RNF144B: variants seen among roughly 807,000 people sequenced by gnomAD.
RNF144B encodes the protein E3 ubiquitin-protein ligase RNF144B.
RNF144B carries 25 observed loss-of-function variants against 40.2 expected under a neutral mutation model. The ratio of observed to expected loss-of-function variants is 0.62; its 90% confidence interval spans 0.45 to 0.87. The LOEUF (loss-of-function observed/expected upper bound fraction) is 0.87. Ranked by LOEUF, RNF144B falls within the 40% of genes least tolerant of loss-of-function variation. The pLI is 0.00. For synonymous variants in RNF144B, 145 were observed against 136.3 expected (o/e 1.06, Z -0.44); for missense variants, 365 against 373.7 (o/e 0.98, Z 0.19).
At chr6:18,454,818 C>A (rs551486972) in intron 4 of RNF144B, among the ~76,000 whole-genome samples, 1 of 152,344 alleles carries the variant, frequency 6.6e-6, no homozygotes, top group South Asian at 2.1e-4. Context: ...CAAGTCGGAA[C>A]TTCTACCAAG....
chr6:18,396,433 A>G (rs1794695693), intron 1 of RNF144B: 1 of 982,038 alleles, frequency 1.0e-6, no homozygotes, highest in African/African-American at 1.7e-5. Context: ...AATATAGAGT[A>G]AGACTGAGAA....
rs1041777096 is a variant in RNF144B at position 18,447,502 on chromosome 6, A to G, written c.331+7758A>G. Among the ~76,000 whole-genome samples the G allele has an allele frequency of 1.3e-5, 2 of 152,182 alleles. No homozygotes were observed. Among genetic ancestry groups the G allele is most frequent in the Admixed American group, 6.5e-5 (1 of 15,270 alleles). On this transcript the variant is annotated intron_variant, in intron 4 of 7. Coordinates refer to ENST00000259939, the MANE Select transcript of RNF144B (RefSeq NM_182757.4). This position sits in a 1 kb window ranked among gnomAD's most constrained non-coding sequence, Gnocchi z 5.6. ...AGGGGAATGTCGTGAAATGATTTCC[A>G]TTTTAGAAGATTACTGTCGCTGCTG...
rs1296450577 is a variant in RNF144B at position 18,406,387 on chromosome 6, A to G, written c.165+6688A>G. Among the ~76,000 whole-genome samples, 3 of 151,634 alleles carry G rather than the reference A, an allele frequency of 2.0e-5. No individual in the cohort carries two copies. The East Asian group carries it at 5.8e-4, about 30-fold the overall frequency. ...AGGGTTGTAGGCAGAGGGAAGCAGTATGGAGGTCTTAAGTTGGGAGTGTGC... is the reference window on the plus strand; with the variant it reads ...AGGGTTGTAGGCAGAGGGAAGCAGTGTGGAGGTCTTAAGTTGGGAGTGTGC... On this transcript the variant is annotated intron_variant, in intron 2 of 7. Transcript: ENST00000259939. The surrounding 1 kb of genome is among the most constrained non-coding windows in gnomAD (Gnocchi z 4.2).
Position 18,387,604 on chromosome 6 carries a change from G to A in RNF144B, c.-63G>A, listed in dbSNP as rs1794481145. On this transcript the variant is annotated 5_prime_UTR_variant, in exon 1 of 8. Coordinates refer to ENST00000259939, the MANE Select transcript of RNF144B (RefSeq NM_182757.4). ...GAGGGAGGCTACTGAGAAGCCCGGCGACGGAGGAACGCAGGTCTGCTGCCA... is the reference window on the plus strand; with the variant it reads ...GAGGGAGGCTACTGAGAAGCCCGGCAACGGAGGAACGCAGGTCTGCTGCCA... 28 of 1,316,824 alleles carry A rather than the reference G, an allele frequency of 2.1e-5. No individual in the cohort carries two copies. The highest frequency in any genetic ancestry group is 2.8e-5 in the Non-Finnish European group (28 of 1,003,878). The allele number at this position is 1,316,824 out of a possible 1,614,324, so 81.6% of individuals were successfully genotyped here. A position where few individuals can be genotyped will look rare whatever the true frequency, so the allele number is the denominator to read the frequency against.
In RNF144B at chr6:18,397,756, G is replaced by A. The variant is rs374172348; in HGVS notation, c.-36-1743G>A. 7.7e-4 allele frequency among the ~76,000 whole-genome samples: 117 copies of A among 151,522 alleles called. 4 individuals are homozygous for A. In the South Asian group the frequency reaches 0.017, roughly 22 times the overall value. On this transcript the variant is annotated intron_variant, in intron 1 of 7. Coordinates refer to ENST00000259939, the MANE Select transcript of RNF144B (RefSeq NM_182757.4). ...CCTTCCTCCTTCTTTTCTCTGCTTC[G>A]TCTGTCCATGTGATATCCACACAAG...
At chr6:18,426,570 G>C (rs1758559027) in intron 2 of RNF144B, among the ~76,000 whole-genome samples, 1 of 152,182 alleles carries the variant, frequency 6.6e-6, no homozygotes, top group South Asian at 2.1e-4. Flanking sequence ...ACAACAGGCA[G>C]TGAGCAGACC....
chr6:18,449,466 CATA>C, intron 4 of RNF144B, among the ~76,000 whole-genome samples: 1 of 151,984 alleles, frequency 6.6e-6, no homozygotes. Flanking sequence ...ATCAATAATA[CATA>C]GACAAGAGAT....
Position 18,459,332 on chromosome 6 carries a change from T to C in RNF144B, c.537-275T>C, listed in dbSNP as rs1393219127. Among the ~76,000 whole-genome samples the C allele has an allele frequency of 6.6e-6, 1 of 152,194 alleles. No homozygotes were observed. Among genetic ancestry groups the C allele is most frequent in the Non-Finnish European group, 1.5e-5 (1 of 68,034 alleles). On this transcript the variant is annotated intron_variant, in intron 5 of 7. Transcript: ENST00000259939. This position sits in a 1 kb window ranked among gnomAD's most constrained non-coding sequence, Gnocchi z 4.2. ...CTCCTTGCCATTCTTATTTAGGCAA[T>C]GCATGCTTAGGGAATGAAATATTAA...
rs143803367 is a variant in RNF144B at position 18,406,999 on chromosome 6, G to T, written c.165+7300G>T. Among the ~76,000 whole-genome samples the T allele has an allele frequency of 5.3e-5, 8 of 152,214 alleles. No homozygotes were observed. The East Asian group carries it at 1.5e-3, about 29-fold the overall frequency. ...CTTATCAAACAACCAGATCTCGTGA[G>T]AATTCACTATCATGGGAACAGCATG... On this transcript the variant is annotated intron_variant, in intron 2 of 7. Transcript: ENST00000259939. This position sits in a 1 kb window ranked among gnomAD's most constrained non-coding sequence, Gnocchi z 4.2.
At position 18,457,353 on chromosome 6, in the gene RNF144B, A is replaced by G; in HGVS notation, c.530A>G (p.Glu177Gly). 1 of 1,612,374 alleles carries G rather than the reference A, an allele frequency of 6.2e-7. No individual in the cohort carries two copies. The highest frequency in any genetic ancestry group is 1.3e-5 in the African/African-American group (1 of 75,024). ...AGTCAGCCTATTGTCCTGCCAACAG[A>G]GCACCGGTAAGAAAGGAAACTTTGT... ...RDSQPIVLPT[E>G]HRALFGTDAE... The change falls in exon 5 of 8, where the codon GAG becomes GGG. Residue 177 changes from glutamate to glycine, a missense_variant. By Grantham distance (98) the Glu-to-Gly change is moderately conservative. Coordinates refer to ENST00000259939, the MANE Select transcript of RNF144B (RefSeq NM_182757.4). This position sits in a 1 kb window ranked among gnomAD's most constrained non-coding sequence, Gnocchi z 5.1.
Position 18,413,305 on chromosome 6 carries a change from A to G in RNF144B, c.165+13606A>G, listed in dbSNP as rs576050328. Among the ~76,000 whole-genome samples, 3 of 152,352 alleles carry G rather than the reference A, an allele frequency of 2.0e-5. No individual in the cohort carries two copies. In the East Asian group the frequency reaches 5.8e-4, roughly 29 times the overall value. On this transcript the variant is annotated intron_variant, in intron 2 of 7. Transcript: ENST00000259939. ...GCTTGACAATAGCCTATAAAATGCA[A>G]AATTGACAACTGGCTACTGATTTTA...
rs1367692327 is a variant in RNF144B, at chr6:18,400,054, A to G, written c.165+355A>G. Among the ~76,000 whole-genome samples the G allele has an allele frequency of 6.6e-6, 1 of 151,982 alleles. No individual in the cohort carries two copies. The highest frequency in any genetic ancestry group is 1.5e-5 in the Non-Finnish European group (1 of 67,986). ...TGGGAGGCCGAGGCGGGCGGATCAC[A>G]AGGTCAGAAGATCGAGACCATCCTA... On this transcript the variant is annotated intron_variant, in intron 2 of 7. Coordinates refer to ENST00000259939, the MANE Select transcript of RNF144B (RefSeq NM_182757.4). This position sits in a 1 kb window ranked among gnomAD's most constrained non-coding sequence, Gnocchi z 5.6.
At chr6:18,453,907 C>A (rs1582444297) in intron 4 of RNF144B, among the ~76,000 whole-genome samples, 1 of 152,150 alleles carries the variant, frequency 6.6e-6, no homozygotes, top group East Asian at 1.9e-4. Context: ...GAACAGAATG[C>A]CTGCCTAAAA....
In RNF144B at chr6:18,406,156, G is replaced by A. The variant is rs6925570; in HGVS notation, c.165+6457G>A. ...TGGTTTTCAAATAACTCAACTTTTC[G>A]TATGAGACATAGATGCTAACAAGTA... On this transcript the variant is annotated intron_variant, in intron 2 of 7. Coordinates refer to ENST00000259939, the MANE Select transcript of RNF144B (RefSeq NM_182757.4). This position sits in a 1 kb window ranked among gnomAD's most constrained non-coding sequence, Gnocchi z 4.2. The A allele has an allele frequency of 0.65, 335,009 of 518,510 alleles. 109,319 individuals are homozygous for A. The highest frequency in any genetic ancestry group is 0.69 in the Non-Finnish European group (179,751 of 259,748). 32.1% of individuals were successfully genotyped at this position (518,510 alleles called of 1,614,324 possible).
At chr6:18,415,229 T>C (rs1795126752) in intron 2 of RNF144B, among the ~76,000 whole-genome samples, 1 of 152,162 alleles carries the variant, frequency 6.6e-6, no homozygotes, top group African/African-American at 2.4e-5. Flanking sequence ...ACCAACTATC[T>C]CTTAGATTGT....
At position 18,448,688 on chromosome 6, in the gene RNF144B, GCACACACACACA is replaced by G. The variant is rs61128858; in HGVS notation, c.332-8449_332-8438del. 6.9e-5 allele frequency among the ~76,000 whole-genome samples: 10 copies of G among 144,520 alleles called. No homozygotes were observed. The highest frequency in any genetic ancestry group is 1.4e-4 in the Non-Finnish European group (9 of 65,562). 94.8% of individuals were successfully genotyped at this position (144,520 alleles called of 152,430 possible). ...TCCATTTTATTTTGAAAGCCAGCAT[GCACACACACACA>G]CACACACACACACACACCCCACCCC... On this transcript the variant is annotated intron_variant, in intron 4 of 7. Coordinates refer to ENST00000259939, the MANE Select transcript of RNF144B (RefSeq NM_182757.4). This position sits in a 1 kb window ranked among gnomAD's most constrained non-coding sequence, Gnocchi z 4.0.
chr6:18,412,703 A>C lies in RNF144B; in HGVS notation c.165+13004A>C, dbSNP rs1160514613. Among the ~76,000 whole-genome samples, 2 of 152,204 alleles carry C rather than the reference A, an allele frequency of 1.3e-5. No homozygotes were observed. The highest frequency in any genetic ancestry group is 2.9e-5 in the Non-Finnish European group (2 of 68,036). ...TTTTCTGTATATTTCAGTTCATTAA[A>C]GATTGGTTATATAAGGCTTATCTAT... On this transcript the variant is annotated intron_variant, in intron 2 of 7. Coordinates refer to ENST00000259939, the MANE Select transcript of RNF144B (RefSeq NM_182757.4). This position sits in a 1 kb window ranked among gnomAD's most constrained non-coding sequence, Gnocchi z 4.2.
intron 3 of RNF144B, among the ~76,000 whole-genome samples, chr6:18,427,997 A>G (rs552607925): frequency 1.3e-5 from 2 of 152,254 alleles, no homozygotes; most frequent in Admixed American, 6.5e-5. Flanking sequence ...TCCCCACCCA[A>G]ATCTCACCTT....
Position 18,441,094 on chromosome 6 carries a change from T to C in RNF144B, c.331+1350T>C, listed in dbSNP as rs1052291063. On this transcript the variant is annotated intron_variant, in intron 4 of 7. Coordinates refer to ENST00000259939, the MANE Select transcript of RNF144B (RefSeq NM_182757.4). The surrounding 1 kb of genome is among the most constrained non-coding windows in gnomAD (Gnocchi z 4.9). ...ATAAGTTAATGATGGGGGTAGTTAA[T>C]ATTGACTCTCTCTAATCCATCCACA... is the stretch of plus-strand genomic sequence containing the variant. Among the ~76,000 whole-genome samples the C allele has an allele frequency of 2.6e-5, 4 of 152,182 alleles. No homozygotes were observed. Among genetic ancestry groups the C allele is most frequent in the Admixed American group, 2.0e-4 (3 of 15,274 alleles).
Sources: allele counts gnomAD v4.1 joint callset (sites outside exome capture counted in the v4.1 genomes callset), GRCh38; gene constraint gnomAD v4.1.1; non-coding constraint Gnocchi (gnomAD v3.1); transcripts MANE v1.5; gene names NCBI Gene and HGNC (gene_info 2026-07-23, HGNC 2026-07-21).